The following SNED1 variants were observed in gnomAD, a reference collection of about 807,000 sequenced individuals.
SNED1 encodes the protein sushi, nidogen and EGF like domains 1.
A neutral mutation model predicts 166.7 loss-of-function variants in SNED1; 81 were observed. That is an observed-to-expected ratio of 0.49 (90% confidence interval 0.41 to 0.58). The LOEUF (loss-of-function observed/expected upper bound fraction) is 0.58. Among genes scored for constraint, SNED1 ranks in the 20% least tolerant of loss-of-function variants. The probability of loss-of-function intolerance (pLI) is 0.00; values close to 1 mark genes in which losing one functional copy is unlikely to be tolerated. For missense variants in SNED1, 1,604 were observed against 2,000.2 expected, an observed-to-expected ratio of 0.80 and a Z score of 3.78; for synonymous variants, 762 against 822.0, an observed-to-expected ratio of 0.93 and a Z score of 1.25.
At chr2:241,083,939 CCTTTTTT>C (rs1363337026) in intron 29 of SNED1, among the ~76,000 whole-genome samples, 6 of 134,810 alleles carry the variant, frequency 4.5e-5, no homozygotes, top group Non-Finnish European at 9.8e-5. Flanking sequence ...GCTTTTTGTT[CCTTTTTT>C]CTTTTTTCCT....
rs1214158348 is a variant in SNED1, at chr2:241,011,211, GGGTCTCCTGGGTCTCCTGGGGGTTGCA to G, written c.213+12185_213+12211del. On this transcript the variant is annotated intron_variant, in intron 1 of 31. Transcript: ENST00000310397. ...GTCTCCTGGGGGTGGCAGGTCTCCT[GGGTCTCCTGGGTCTCCTGGGGGTTGCA>G]GGTCTCCTGGGTCTCCTGGGGGTGG... Among the ~76,000 whole-genome samples the G allele has an allele frequency of 4.1e-3, 559 of 134,960 alleles. 39 individuals carry two copies. Among genetic ancestry groups the G allele is most frequent in the East Asian group, 0.033 (136 of 4,116 alleles). The allele number at this position is 134,960 out of a possible 152,430, so 88.5% of individuals were successfully genotyped here.
chr2:241,058,777 C>T (rs951670189), intron 16 of SNED1, among the ~76,000 whole-genome samples: 2 of 152,036 alleles, frequency 1.3e-5, no homozygotes, highest in Non-Finnish European at 2.9e-5. Flanking sequence ...GGTGAAACCC[C>T]GTCTCTACTA....
Position 241,049,133 on chromosome 2 carries a change from A to G in SNED1, c.1616A>G (p.His539Arg). The change falls in exon 11 of 32, where the codon CAC (histidine) becomes CGC (arginine). Residue 539 changes from histidine (H) to arginine (R), a missense_variant and splice_region_variant. His to Arg is a conservative substitution (Grantham distance 29, BLOSUM62 0). Coordinates refer to ENST00000310397, the MANE Select transcript of SNED1 (RefSeq NM_001080437.3). ...CVCHTDHNAS[H>R]SLPSPCDSDP... ...TGCCACACCGACCACAATGCCAGCC[A>G]CTGTGAGTAGCTCGGGGACGAGCCT... The G allele has an allele frequency of 6.2e-7, 1 of 1,610,782 alleles. No homozygotes were observed. Among genetic ancestry groups the G allele is most frequent in the East Asian group, 2.2e-5 (1 of 44,742 alleles).
At chr2:241,082,159 G>C in intron 28 of SNED1, 118 bp from the exon 29 acceptor site, 1 of 758,000 alleles carries the variant, frequency 1.3e-6, no homozygotes, top group Non-Finnish European at 2.2e-6. Context: ...CCACCATCCC[G>C]CCTTGGAGGA....
chr2:241,087,693 G>A, intron 30 of SNED1: 1 of 1,366,934 alleles, frequency 7.3e-7, no homozygotes, highest in Non-Finnish European at 9.4e-7. Flanking sequence ...GGGCATGCTG[G>A]GTGCTGGGGG....
intron 1 of SNED1, among the ~76,000 whole-genome samples, chr2:241,001,113 G>A (rs1000183184): frequency 2.0e-5 from 3 of 152,190 alleles, no homozygotes; most frequent in African/African-American, 7.2e-5. Context: ...TAGGGGCCTC[G>A]TGTCTGCTGG....
Position 241,073,374 on chromosome 2 carries a change from C to T in SNED1, c.3916+10C>T. 6.4e-7 allele frequency: 1 copy of T among 1,557,364 alleles called. No homozygotes were observed. The highest frequency in any genetic ancestry group is 8.7e-7 in the Non-Finnish European group (1 of 1,150,306). ...AGCAAGGACATCGGAAGTGAGTCAGCAGCGCTGGTGGGGACTTTGGGACTG... is the reference window on the plus strand; with the variant it reads ...AGCAAGGACATCGGAAGTGAGTCAGTAGCGCTGGTGGGGACTTTGGGACTG... On this transcript the variant is annotated intron_variant, in intron 27 of 31. Coordinates refer to ENST00000310397, the MANE Select transcript of SNED1 (RefSeq NM_001080437.3). This position sits in a 1 kb window ranked among gnomAD's most constrained non-coding sequence, Gnocchi z 6.6.
rs778898633 is a variant in SNED1, at chr2:241,064,118, C to A, written c.2592C>A (p.Cys864Ter). The change falls in exon 19 of 32, where the codon TGC becomes TGA. Residue 864 changes from cysteine to a stop codon, truncating the protein, a stop_gained. Coordinates refer to ENST00000310397, the MANE Select transcript of SNED1 (RefSeq NM_001080437.3). LOFTEE classifies it high-confidence loss of function. This position sits in a 1 kb window ranked among gnomAD's most constrained non-coding sequence, Gnocchi z 7.0. Reference sequence around the variant, plus strand: ...CAGAGAGCTTCTTCGGCTACCACTGCGAGACAGGTAGGGCGGCAGGCCTGC... The same window carrying A: ...CAGAGAGCTTCTTCGGCTACCACTGAGAGACAGGTAGGGCGGCAGGCCTGC... The part of the protein sequence containing the change: ...VCPESFFGYH[C>*]ETVSDPCFSS... 6.4e-7 allele frequency: 1 copy of A among 1,557,294 alleles called. No homozygotes were observed. Among genetic ancestry groups the A allele is most frequent in the South Asian group, 1.2e-5 (1 of 84,504 alleles).
rs777702826 is a variant in SNED1 at position 241,064,133 on chromosome 2, G to A, written c.2599+8G>A. On this transcript the variant is annotated splice_region_variant and intron_variant, in intron 19 of 31. Coordinates refer to ENST00000310397, the MANE Select transcript of SNED1 (RefSeq NM_001080437.3). The surrounding 1 kb of genome is among the most constrained non-coding windows in gnomAD (Gnocchi z 7.0). ...GCTACCACTGCGAGACAGGTAGGGC[G>A]GCAGGCCTGCCTGCTCCCCGCCCTC... 9.1e-6 allele frequency: 14 copies of A among 1,531,492 alleles called. No individual in the cohort carries two copies. In the Admixed American group the frequency reaches 1.8e-4, roughly 19 times the overall value. 94.9% of individuals were successfully genotyped at this position (1,531,492 alleles called of 1,614,324 possible). A position where few individuals can be genotyped will look rare whatever the true frequency, so the allele number is the denominator to read the frequency against.
At chr2:241,090,471 T>C (rs1359900713) in intron 31 of SNED1, 2 of 1,524,126 alleles carry the variant, frequency 1.3e-6, no homozygotes, top group Non-Finnish European at 1.8e-6. Context: ...ATGAAGAGTA[T>C]AGTAAATACG....
rs957631176 is a variant in SNED1, at chr2:241,093,727, C to G, written c.*2091C>G. The G allele has an allele frequency of 1.3e-5, 2 of 152,294 alleles. No homozygotes were observed. Among genetic ancestry groups the G allele is most frequent in the Admixed American group, 6.5e-5 (1 of 15,286 alleles). The allele number at this position is 152,294 out of a possible 1,614,324, so 9.4% of individuals were successfully genotyped here. A position where few individuals can be genotyped will look rare whatever the true frequency, so the allele number is the denominator to read the frequency against. On this transcript the variant is annotated 3_prime_UTR_variant, in exon 32 of 32. Transcript: ENST00000310397. ...CATTAAATATCAAGTAAAAAGACTTCCTGGTGCTCAGGAATTACAGTTCGT... is the reference window on the plus strand; with the variant it reads ...CATTAAATATCAAGTAAAAAGACTTGCTGGTGCTCAGGAATTACAGTTCGT...
At chr2:241,090,056 A>T in intron 31 of SNED1, 1 of 1,533,114 alleles carries the variant, frequency 6.5e-7, no homozygotes, top group Non-Finnish European at 8.8e-7. Flanking sequence ...TGCAATAAGA[A>T]ATTAACCTTA....
Position 241,071,726 on chromosome 2 carries a change from T to G in SNED1, c.3734+6T>G. 1.0e-6 allele frequency: 1 copy of G among 978,752 alleles called. No homozygotes were observed. The highest frequency in any genetic ancestry group is 1.4e-6 in the Non-Finnish European group (1 of 693,930). 60.6% of individuals were successfully genotyped at this position (978,752 alleles called of 1,614,324 possible). On this transcript the variant is annotated splice_donor_region_variant and intron_variant, in intron 25 of 31. Transcript: ENST00000310397. ...ACCCCCACCCAGCCCCCCAGGTACA[T>G]GCCCCACCCATCGGCCCCATCGCCC...
At chr2:241,053,969 C>T (rs1265444074) in intron 16 of SNED1, among the ~76,000 whole-genome samples, 2 of 152,210 alleles carry the variant, frequency 1.3e-5, no homozygotes, top group Non-Finnish European at 2.9e-5. Context: ...GATTTTAAAA[C>T]AAGCTTAGGA....
intron 1 of SNED1, among the ~76,000 whole-genome samples, chr2:241,023,887 C>CTTTTTT (rs2060846825): frequency 5.6e-5 from 4 of 71,612 alleles, no homozygotes; most frequent in South Asian, 5.1e-4. Context: ...CTTTTTTTTT[C>CTTTTTT]CTTTTTTTTT....
In SNED1 at chr2:241,018,769, G is replaced by T. The variant is rs759398332; in HGVS notation, c.214-11515G>T. On this transcript the variant is annotated intron_variant, in intron 1 of 31. Transcript: ENST00000310397. This position sits in a 1 kb window ranked among gnomAD's most constrained non-coding sequence, Gnocchi z 5.4. ...AAGCCACCCACATGTTCATGACTCA[G>T]GACTGTGTCAGCCCCACAGGAGAAC... Among the ~76,000 whole-genome samples, 2 of 152,142 alleles carry T rather than the reference G, an allele frequency of 1.3e-5. No individual in the cohort carries two copies. The highest frequency in any genetic ancestry group is 4.8e-5 in the African/African-American group (2 of 41,410).
chr2:241,078,101 G>C (rs1191506257), intron 27 of SNED1, among the ~76,000 whole-genome samples: 3 of 152,098 alleles, frequency 2.0e-5, no homozygotes, highest in Non-Finnish European at 4.4e-5. Context: ...GAAAGGAAAA[G>C]TGGCCGGGCG....
chr2:241,052,580 G>A, intron 15 of SNED1, 112 bp downstream of exon 15: 1 of 867,762 alleles, frequency 1.2e-6, no homozygotes, highest in Non-Finnish European at 1.9e-6. Flanking sequence ...CAGGTGAGAG[G>A]GCCAGGGGGC....
intron 4 of SNED1, among the ~76,000 whole-genome samples, chr2:241,036,214 C>T (rs1008999455): frequency 6.6e-6 from 1 of 151,812 alleles, no homozygotes; most frequent in Admixed American, 6.6e-5. Flanking sequence ...GGTGGTGCCG[C>T]GACGAAGGAG....
Sources: allele counts gnomAD v4.1 joint callset (sites outside exome capture counted in the v4.1 genomes callset), GRCh38; gene constraint gnomAD v4.1.1; non-coding constraint Gnocchi (gnomAD v3.1); transcripts MANE v1.5; gene names NCBI Gene and HGNC (gene_info 2026-07-23, HGNC 2026-07-21).